CRACDL: variants seen among roughly 807,000 people sequenced by gnomAD.
CRACDL encodes CRACD like, also known as CRACD-like protein.
In CRACDL, 26 loss-of-function variants were observed where a neutral mutation model predicts 70.6. The observed-to-expected ratio is 0.37, with a 90% confidence interval of 0.27 to 0.51. CRACDL has a LOEUF of 0.51. CRACDL is among the 20% of genes least tolerant of loss of function. The pLI is 0.94. For synonymous variants in CRACDL, 618 were observed against 615.2 expected, an observed-to-expected ratio of 1.00 and a Z score of -0.07; for missense variants, 1,283 against 1,376.9, an observed-to-expected ratio of 0.93 and a Z score of 1.08.
intron 1 of CRACDL, among the ~76,000 whole-genome samples, chr2:98,887,728 C>T (rs1707837397): frequency 6.6e-6 from 1 of 151,800 alleles, no homozygotes. Context: ...CAGTCAAGCC[C>T]AAAGACAAAG....
rs543277755 is a variant in CRACDL at position 98,914,710 on chromosome 2, C to T, written c.-11+21228G>A. Among the ~76,000 whole-genome samples the T allele has an allele frequency of 1.2e-4, 19 of 152,332 alleles. No individual in the cohort carries two copies. The South Asian group carries it at 2.3e-3, about 18-fold the overall frequency. On this transcript the variant is annotated intron_variant, in intron 1 of 9. Transcript: ENST00000397899. The stretch of plus-strand genomic sequence containing the variant: ...GGCCCCACAACTGGGGCTCTCCTGC[C>T]AACAGACCCCTCCATCAGTGTCTCT...
chr2:98,893,173 C>T (rs772669484), intron 1 of CRACDL, among the ~76,000 whole-genome samples: 7 of 152,200 alleles, frequency 4.6e-5, no homozygotes, highest in Non-Finnish European at 1.0e-4. Context: ...TCCTCTCCAC[C>T]TGAAAGTGCA....
At chr2:98,860,083 G>T (rs1277281894) in intron 1 of CRACDL, among the ~76,000 whole-genome samples, 1 of 151,954 alleles carries the variant, frequency 6.6e-6, no homozygotes, top group Non-Finnish European at 1.5e-5. Context: ...CAAAATAGGA[G>T]TAAGTTTAAC....
At chr2:98,884,058 G>A (rs1021884716) in intron 1 of CRACDL, among the ~76,000 whole-genome samples, 1 of 152,192 alleles carries the variant, frequency 6.6e-6, no homozygotes, top group African/African-American at 2.4e-5. Flanking sequence ...GATGGGGCAG[G>A]AGCGGGGCAG....
At position 98,796,911 on chromosome 2, in the gene CRACDL, T is replaced by A. The variant is rs560689771; in HGVS notation, c.2604+439A>T. On this transcript the variant is annotated intron_variant, in intron 8 of 9. Coordinates refer to ENST00000397899, the MANE Select transcript of CRACDL (RefSeq NM_207362.3). The stretch of plus-strand genomic sequence containing the variant: ...AGGTGAGGAATGAGGAGCTCCAGCA[T>A]GTGGCCGGTGGAGCAGCAAAGAGCA... Among the ~76,000 whole-genome samples the A allele has an allele frequency of 2.6e-5, 4 of 152,308 alleles. No homozygotes were observed. In the South Asian group the frequency reaches 8.3e-4, roughly 32 times the overall value.
chr2:98,821,712 T>A (rs1006493017), intron 7 of CRACDL, 145 bp downstream of exon 7: 1 of 1,080,656 alleles, frequency 9.3e-7, no homozygotes, highest in African/African-American at 1.7e-5. Flanking sequence ...AGATCAGACA[T>A]GATGTTAGTG....
intron 1 of CRACDL, among the ~76,000 whole-genome samples, chr2:98,880,495 C>T (rs954884039): frequency 4.6e-5 from 7 of 152,170 alleles, no homozygotes; most frequent in Non-Finnish European, 7.3e-5. Context: ...TGAGTGACAT[C>T]GCTGCATCAG....
intron 1 of CRACDL, among the ~76,000 whole-genome samples, chr2:98,869,723 C>G (rs903827166): frequency 6.6e-6 from 1 of 152,220 alleles, no homozygotes; most frequent in Non-Finnish European, 1.5e-5. Flanking sequence ...TATCTCAGTG[C>G]GAGGGACCCT....
intron 1 of CRACDL, among the ~76,000 whole-genome samples, chr2:98,874,640 G>T (rs1211884211): frequency 6.6e-6 from 1 of 152,208 alleles, no homozygotes; most frequent in South Asian, 2.1e-4. Flanking sequence ...GGAACAACAA[G>T]GGACTGCAGA....
At chr2:98,802,064 C>T (rs1194883577) in intron 7 of CRACDL, among the ~76,000 whole-genome samples, 1 of 152,244 alleles carries the variant, frequency 6.6e-6, no homozygotes, top group East Asian at 1.9e-4. Context: ...TGACTCTTGG[C>T]TCCCTGAGAA....
intron 1 of CRACDL, among the ~76,000 whole-genome samples, chr2:98,897,129 TC>T (rs976979993): frequency 1.1e-4 from 16 of 151,982 alleles, no homozygotes; most frequent in Non-Finnish European, 1.5e-4. Context: ...CACACACTCT[TC>T]CCCCTGGCAA....
chr2:98,934,071 T>A (rs1709148893), intron 1 of CRACDL, among the ~76,000 whole-genome samples: 1 of 152,082 alleles, frequency 6.6e-6, no homozygotes, highest in Non-Finnish European at 1.5e-5. Context: ...CATCTCTTAA[T>A]ACCATCACCT....
rs1706852771 is a variant in CRACDL at position 98,859,589 on chromosome 2, A to C, written c.-10-12779T>G. Among the ~76,000 whole-genome samples the C allele has an allele frequency of 2.0e-5, 3 of 152,366 alleles. 1 individual carries two copies. In the South Asian group the frequency reaches 6.2e-4, roughly 32 times the overall value. On this transcript the variant is annotated intron_variant, in intron 1 of 9. Transcript: ENST00000397899. Reference sequence around the variant, plus strand: ...TTATCTCAGTAGATACAGAAAAAGCACTTGACAAAATCCAACATCGCTTCA... The same window carrying C: ...TTATCTCAGTAGATACAGAAAAAGCCCTTGACAAAATCCAACATCGCTTCA...
At chr2:98,886,622 T>C (rs1707803863) in intron 1 of CRACDL, among the ~76,000 whole-genome samples, 1 of 152,074 alleles carries the variant, frequency 6.6e-6, no homozygotes, top group Admixed American at 6.6e-5. Context: ...TATTGGGAGG[T>C]TTACTAGTTC....
At chr2:98,804,776 A>G (rs1704218180) in intron 7 of CRACDL, among the ~76,000 whole-genome samples, 1 of 152,228 alleles carries the variant, frequency 6.6e-6, no homozygotes, top group African/African-American at 2.4e-5. Context: ...TACTAAATAA[A>G]GCATCTTTAA....
chr2:98,795,077 A>ATATATATTTTTTTTTTTTTTTTTT, intron 9 of CRACDL, among the ~76,000 whole-genome samples: 2 of 58,492 alleles, frequency 3.4e-5, no homozygotes, highest in Admixed American at 2.2e-4. Flanking sequence ...ATATATATAT[A>ATATATATTTTTTTTTTTTTTTTTT]TTTTTTTTTT....
At chr2:98,903,048 G>A (rs537725289) in intron 1 of CRACDL, among the ~76,000 whole-genome samples, 11 of 152,170 alleles carry the variant, frequency 7.2e-5, no homozygotes, top group African/African-American at 1.9e-4. Context: ...AGCAGCAGGC[G>A]GGGGACCCTC....
intron 7 of CRACDL, among the ~76,000 whole-genome samples, chr2:98,815,514 G>A (rs1704746683): frequency 6.6e-6 from 1 of 152,232 alleles, no homozygotes; most frequent in African/African-American, 2.4e-5. Flanking sequence ...CCTCAGGACA[G>A]AGTGGCAAGG....
intron 5 of CRACDL, among the ~76,000 whole-genome samples, chr2:98,829,539 G>T (rs1443854031): frequency 6.6e-6 from 1 of 152,184 alleles, no homozygotes; most frequent in African/African-American, 2.4e-5. Context: ...GGGAGGGCTG[G>T]CAGCATCCAG....
Sources: allele counts gnomAD v4.1 joint callset (sites outside exome capture counted in the v4.1 genomes callset), GRCh38; gene constraint gnomAD v4.1.1; transcripts MANE v1.5; gene names NCBI Gene and HGNC (gene_info 2026-07-23, HGNC 2026-07-21).